Variants in AP2A2 observed in about 807,000 individuals in gnomAD.
AP2A2 encodes adaptor related protein complex 2 subunit alpha 2, also known as AP-2 complex subunit alpha-2.
In AP2A2, 32 loss-of-function variants were observed where a neutral mutation model predicts 104.2. The ratio of observed to expected loss-of-function variants is 0.31; its 90% CI spans 0.23 to 0.41. The LOEUF is 0.41. AP2A2 is among the 10% of genes least tolerant of loss of function. The probability of loss-of-function intolerance (pLI) is 1.00; values close to 1 mark genes in which losing one functional copy is unlikely to be tolerated. For missense variants in AP2A2, 912 were observed against 1,261.0 expected (o/e 0.72, Z 4.19); for synonymous variants, 539 against 533.3 (o/e 1.01, Z -0.15).
At chr11:944,226 A>G (rs563140788) in intron 1 of AP2A2, among the ~76,000 whole-genome samples, 1 of 152,290 alleles carries the variant, frequency 6.6e-6, no homozygotes, top group Admixed American at 6.5e-5. Context: ...TCGCTCAGGA[A>G]ATGCTCGTTG....
chr11:984,761 G>T lies in AP2A2; in HGVS notation c.814+8G>T, dbSNP rs771665236. On this transcript the variant is annotated splice_region_variant and intron_variant, in intron 7 of 21. Coordinates refer to ENST00000448903, the MANE Select transcript of AP2A2 (RefSeq NM_012305.4). ...AGTGCTACCCACCCCCAGGTAACGC[G>T]CAGGCCGCGGCTCCTGAAGCTGCAC... 4.4e-6 allele frequency: 7 copies of T among 1,584,444 alleles called. 1 individual carries two copies. Among genetic ancestry groups the T allele is most frequent in the Admixed American group, 3.3e-5 (2 of 59,980 alleles).
chr11:1,010,572 A>T lies in AP2A2; in HGVS notation c.2767A>T (p.Ser923Cys). The T allele has an allele frequency of 6.3e-7, 1 of 1,597,500 alleles. No individual in the cohort carries two copies. The highest frequency in any genetic ancestry group is 8.5e-7 in the Non-Finnish European group (1 of 1,172,264). The stretch of plus-strand genomic sequence containing the variant: ...GATGTACCGGCTCACGCTGCGCACA[A>T]GTAAGGAAGCCGTTTCTCAGAGATT... ...AQMYRLTLRT[S>C]KEAVSQRLCE... Residue 923 changes from serine (S) to cysteine (C), a missense_variant, in exon 22 of 22, where the codon AGT (serine) becomes TGT (cysteine). Coordinates refer to ENST00000448903, the MANE Select transcript of AP2A2 (RefSeq NM_012305.4).
rs1177649590 is a variant in AP2A2 at position 1,010,726 on chromosome 11, C to T, written c.*101C>T. The T allele has an allele frequency of 2.0e-6, 2 of 1,000,962 alleles. No individual in the cohort carries two copies. Among genetic ancestry groups the T allele is most frequent in the Admixed American group, 4.0e-5 (2 of 50,372 alleles). 62.0% of individuals were successfully genotyped at this position (1,000,962 alleles called of 1,614,324 possible). A position where few individuals can be genotyped will look rare whatever the true frequency, so the allele number is the denominator to read the frequency against. On this transcript the variant is annotated 3_prime_UTR_variant, in exon 22 of 22. Transcript: ENST00000448903. ...CAGATGAGCACCGTGTCCAGTGCCA[C>T]AGCACAAGGCGCCTCCCCGCCCCGC...
At chr11:960,727 A>G (rs1854406425) in intron 2 of AP2A2, among the ~76,000 whole-genome samples, 1 of 151,694 alleles carries the variant, frequency 6.6e-6, no homozygotes, top group South Asian at 2.1e-4. Flanking sequence ...CATGTTGGTC[A>G]GGCTGGTCTT....
At chr11:1,010,303 G>T (rs748311583) in intron 21 of AP2A2, 2 of 581,434 alleles carry the variant, frequency 3.4e-6, no homozygotes, top group Non-Finnish European at 6.1e-6. Context: ...ACATCCCACA[G>T]CTTCTCCAGG....
chr11:988,422 C>T, intron 9 of AP2A2, 130 bp from the exon 10 acceptor site: 3 of 1,239,566 alleles, frequency 2.4e-6, no homozygotes, highest in Admixed American at 3.7e-5. Flanking sequence ...GGTCGGCTCC[C>T]TGGACCTGGA....
intron 17 of AP2A2, 180 bp downstream of exon 17, chr11:1,006,797 C>T: frequency 1.7e-6 from 1 of 584,432 alleles, no homozygotes; most frequent in Non-Finnish European, 3.0e-6. Flanking sequence ...GGAAAACAGG[C>T]AGTCTTCCAT....
intron 4 of AP2A2, among the ~76,000 whole-genome samples, chr11:975,935 A>C (rs555724423): frequency 3.9e-4 from 60 of 152,062 alleles, no homozygotes; most frequent in African/African-American, 1.4e-3. Context: ...CTAAAAGAGG[A>C]GGCGGATCCT....
intron 6 of AP2A2, 78 bp downstream of exon 6, chr11:981,377 G>A (rs1470610844): frequency 2.4e-6 from 3 of 1,231,314 alleles, no homozygotes; most frequent in South Asian, 2.7e-5. Flanking sequence ...TTTGTAGAAT[G>A]CAAGGTATTT....
intron 17 of AP2A2, chr11:1,006,830 A>G: frequency 1.8e-6 from 1 of 559,794 alleles, no homozygotes; most frequent in Non-Finnish European, 3.1e-6. Context: ...GCTTTTGATC[A>G]TGCACCTAAA....
Position 925,963 on chromosome 11 carries a change from CG to C in AP2A2, c.-58del. On this transcript the variant is annotated 5_prime_UTR_variant, in exon 1 of 22. Transcript: ENST00000448903. Reference sequence around the variant, plus strand: ...GACGGCGACCGCACTCCCCGCTTCCCGCTCCCCGCGCTCCTCCGCCCGGGTC... The same window carrying C: ...GACGGCGACCGCACTCCCCGCTTCCCCTCCCCGCGCTCCTCCGCCCGGGTC... 1 of 1,308,616 alleles carries C rather than the reference CG, an allele frequency of 7.6e-7. No homozygotes were observed. The highest frequency in any genetic ancestry group is 1.0e-6 in the Non-Finnish European group (1 of 998,450). The allele number at this position is 1,308,616 out of a possible 1,614,324, so 81.1% of individuals were successfully genotyped here.
At chr11:972,331 C>T (rs1854862788) in intron 4 of AP2A2, 76 bp downstream of exon 4, 1 of 1,395,424 alleles carries the variant, frequency 7.2e-7, no homozygotes, top group African/African-American at 1.4e-5. Context: ...TATGGAGCTG[C>T]TTAGCCTAGG....
At position 959,628 on chromosome 11, in the gene AP2A2, TC is replaced by T. The variant is rs1854361067; in HGVS notation, c.136+124del. 3.2e-5 allele frequency: 22 copies of T among 688,344 alleles called. No homozygotes were observed. The East Asian group carries it at 6.1e-4, about 19-fold the overall frequency. 42.6% of individuals were successfully genotyped at this position (688,344 alleles called of 1,614,324 possible). ...AGTGAAGTTCTCAGTTTGTACAGTT[TC>T]TATCAGGGCCCTGTCAGAATTAGGA... is the stretch of plus-strand genomic sequence containing the variant. On this transcript the variant is annotated intron_variant, in intron 2 of 21. Coordinates refer to ENST00000448903, the MANE Select transcript of AP2A2 (RefSeq NM_012305.4).
rs940548922 is a variant in AP2A2 at position 993,155 on chromosome 11, A to G, written c.1453-129A>G. On this transcript the variant is annotated intron_variant, in intron 11 of 21. Transcript: ENST00000448903. The surrounding 1 kb of genome is among the most constrained non-coding windows in gnomAD (Gnocchi z 8.2). The stretch of plus-strand genomic sequence containing the variant: ...GGTGCTGAGGAAGGCAGGGATGGGC[A>G]CTTGGACTGGGGTCTCCAGGAAGCT... 3.0e-6 allele frequency: 2 copies of G among 675,948 alleles called. No individual in the cohort carries two copies. Among genetic ancestry groups the G allele is most frequent in the East Asian group, 2.8e-5 (1 of 35,542 alleles). The allele number at this position is 675,948 out of a possible 1,614,324, so 41.9% of individuals were successfully genotyped here. A position where few individuals can be genotyped will look rare whatever the true frequency, so the allele number is the denominator to read the frequency against.
chr11:928,923 C>T (rs892704296), intron 1 of AP2A2, among the ~76,000 whole-genome samples: 6 of 152,090 alleles, frequency 3.9e-5, no homozygotes, highest in African/African-American at 1.4e-4. Context: ...CCACTGCCCT[C>T]TAGGGTGGCC....
intron 1 of AP2A2, among the ~76,000 whole-genome samples, chr11:927,524 A>G (rs1296049894): frequency 6.6e-6 from 1 of 151,866 alleles, no homozygotes; most frequent in Admixed American, 6.6e-5. Context: ...AAAAAAAAAA[A>G]AAAGCATAGA....
rs755651160 is a variant in AP2A2 at position 993,743 on chromosome 11, C to T, written c.1551-11C>T. The T allele has an allele frequency of 2.5e-6, 4 of 1,573,744 alleles. No homozygotes were observed. In the East Asian group the frequency reaches 9.4e-5, roughly 37 times the overall value. ...CGACGGTGTCCCTGTGTTGTGCCTC[C>T]CCGTCCCCAGCCCGCTGATCCAGTT... On this transcript the variant is annotated splice_polypyrimidine_tract_variant and intron_variant, in intron 12 of 21. Coordinates refer to ENST00000448903, the MANE Select transcript of AP2A2 (RefSeq NM_012305.4). This position sits in a 1 kb window ranked among gnomAD's most constrained non-coding sequence, Gnocchi z 8.2.
chr11:963,449 C>T (rs943101952), intron 2 of AP2A2, among the ~76,000 whole-genome samples: 2 of 151,518 alleles, frequency 1.3e-5, no homozygotes, highest in African/African-American at 4.9e-5. Flanking sequence ...AAAAAAAAAA[C>T]AAGGTACCGA....
rs547467568 is a variant in AP2A2, at chr11:968,022, A to G, written c.137-2147A>G. Among the ~76,000 whole-genome samples, 4 of 152,258 alleles carry G rather than the reference A, an allele frequency of 2.6e-5. No individual in the cohort carries two copies. The highest frequency in any genetic ancestry group is 9.6e-5 in the African/African-American group (4 of 41,572). On this transcript the variant is annotated intron_variant, in intron 2 of 21. Coordinates refer to ENST00000448903, the MANE Select transcript of AP2A2 (RefSeq NM_012305.4). This position sits in a 1 kb window ranked among gnomAD's most constrained non-coding sequence, Gnocchi z 4.2. Reference sequence around the variant, plus strand: ...GATAAACTTCACAGTGGCACCTGCCAGGGGAGCTGGCGGGCTCACCTGCCA... The same window carrying G: ...GATAAACTTCACAGTGGCACCTGCCGGGGGAGCTGGCGGGCTCACCTGCCA...
Sources: allele counts gnomAD v4.1 joint callset (sites outside exome capture counted in the v4.1 genomes callset), GRCh38; gene constraint gnomAD v4.1.1; non-coding constraint Gnocchi (gnomAD v3.1); transcripts MANE v1.5; gene names NCBI Gene and HGNC (gene_info 2026-07-23, HGNC 2026-07-21).